The following NEGR1 variants were observed in gnomAD, a reference collection of about 807,000 sequenced individuals.
The protein encoded by NEGR1 is neuronal growth regulator 1.
NEGR1 carries 10 observed loss-of-function variants against 40.9 expected under a neutral mutation model. That is an observed-to-expected ratio of 0.24 (90% CI 0.15 to 0.42). The LOEUF is 0.42. Ranked by LOEUF, NEGR1 falls within the 10% of genes least tolerant of loss-of-function variation. The pLI, the probability that NEGR1 is intolerant of heterozygous loss-of-function variation, is 1.00. For missense variants in NEGR1, 352 were observed against 438.9 expected (o/e 0.80, Z 1.77); for synonymous variants, 185 against 166.8 (o/e 1.11, Z -0.84).
At chr1:71,751,187 C>A (rs550948383) in intron 3 of NEGR1, among the ~76,000 whole-genome samples, 1 of 151,322 alleles carries the variant, frequency 6.6e-6, no homozygotes, top group South Asian at 2.1e-4. Context: ...CAGTTTTTAT[C>A]TCCCCTTCAA....
intron 1 of NEGR1, among the ~76,000 whole-genome samples, chr1:72,116,340 G>A (rs748525749): frequency 2.6e-5 from 4 of 151,764 alleles, no homozygotes; most frequent in South Asian, 2.1e-4. Flanking sequence ...ACTATGATCT[G>A]TAAAGTAGCA....
chr1:71,834,137 C>T (rs1460468678), intron 2 of NEGR1, among the ~76,000 whole-genome samples: 1 of 152,042 alleles, frequency 6.6e-6, no homozygotes, highest in South Asian at 2.1e-4. Context: ...TACATTGATA[C>T]TGGTATTTGA....
At chr1:71,880,323 C>T (rs901739294) in intron 2 of NEGR1, among the ~76,000 whole-genome samples, 3 of 151,924 alleles carry the variant, frequency 2.0e-5, no homozygotes, top group African/African-American at 4.8e-5. Context: ...TCATAAAGTA[C>T]AATTTTACTA....
chr1:72,177,858 C>T (rs1652233460), intron 1 of NEGR1, among the ~76,000 whole-genome samples: 1 of 151,528 alleles, frequency 6.6e-6, no homozygotes, highest in African/African-American at 2.4e-5. Context: ...ACACCTCCAA[C>T]ACAGACAGCA....
chr1:72,214,065 G>A (rs1415151433), intron 1 of NEGR1, among the ~76,000 whole-genome samples: 3 of 152,004 alleles, frequency 2.0e-5, no homozygotes, highest in Admixed American at 1.3e-4. Flanking sequence ...TTCAACATAC[G>A]CAAATCAATA....
chr1:71,409,444 G>A (rs1646301715), intron 6 of NEGR1, among the ~76,000 whole-genome samples: 1 of 151,924 alleles, frequency 6.6e-6, no homozygotes, highest in Non-Finnish European at 1.5e-5. Context: ...TTTGTTATGA[G>A]AAATTAAGTA....
At chr1:71,550,470 T>C (rs1010664566) in intron 6 of NEGR1, among the ~76,000 whole-genome samples, 10 of 151,516 alleles carry the variant, frequency 6.6e-5, no homozygotes, top group African/African-American at 2.2e-4. Flanking sequence ...CTTACCCATT[T>C]TTTTTTTCCT....
At chr1:71,991,838 C>G (rs1646455528) in intron 1 of NEGR1, among the ~76,000 whole-genome samples, 1 of 152,202 alleles carries the variant, frequency 6.6e-6, no homozygotes, top group Non-Finnish European at 1.5e-5. Flanking sequence ...GTGGCCCAGG[C>G]TGGAGTGCAG....
At chr1:71,489,225 G>A (rs1214033574) in intron 6 of NEGR1, among the ~76,000 whole-genome samples, 1 of 151,768 alleles carries the variant, frequency 6.6e-6, no homozygotes, top group Non-Finnish European at 1.5e-5. Context: ...CGAATTGGGA[G>A]CTCTTTCATG....
chr1:72,158,128 G>T (rs1002873415), intron 1 of NEGR1, among the ~76,000 whole-genome samples: 4 of 152,202 alleles, frequency 2.6e-5, no homozygotes, highest in African/African-American at 9.7e-5. Context: ...GCATATGTGA[G>T]AAGCTCTACG....
intron 4 of NEGR1, among the ~76,000 whole-genome samples, chr1:71,693,745 A>G (rs1321970761): frequency 6.6e-6 from 1 of 151,548 alleles, no homozygotes. Flanking sequence ...TGGCACTCTT[A>G]ACTGGAAGAA....
intron 2 of NEGR1, among the ~76,000 whole-genome samples, chr1:71,907,622 A>G (rs1259066492): frequency 2.6e-5 from 4 of 152,274 alleles, no homozygotes; most frequent in Non-Finnish European, 4.4e-5. Context: ...AAACACAACT[A>G]CATTCCACCC....
intron 1 of NEGR1, among the ~76,000 whole-genome samples, chr1:71,978,593 G>T (rs1049479456): frequency 6.6e-6 from 1 of 152,012 alleles, no homozygotes; most frequent in African/African-American, 2.4e-5. Flanking sequence ...GTGGCATCAA[G>T]CATATGAAAA....
At chr1:72,244,801 A>G (rs534649066) in intron 1 of NEGR1, among the ~76,000 whole-genome samples, 2 of 152,124 alleles carry the variant, frequency 1.3e-5, no homozygotes, top group South Asian at 4.1e-4. Flanking sequence ...CGAATTGTTC[A>G]TTAACATTGA....
Position 71,402,985 on chromosome 1 carries a change from T to C in NEGR1, c.*4461A>G, listed in dbSNP as rs1219873180. ...TATTAGAACATTTCCAGTTTTTTTGTGGAGGGAGGGCTTTGGTGTATATAG... is the reference window on the plus strand; with the variant it reads ...TATTAGAACATTTCCAGTTTTTTTGCGGAGGGAGGGCTTTGGTGTATATAG... On this transcript the variant is annotated 3_prime_UTR_variant, in exon 7 of 7. Coordinates refer to ENST00000357731, the MANE Select transcript of NEGR1 (RefSeq NM_173808.3). 6.6e-6 allele frequency: 1 copy of C among 152,198 alleles called. No individual in the cohort carries two copies. The highest frequency in any genetic ancestry group is 2.4e-5 in the African/African-American group (1 of 41,560). The allele number at this position is 152,198 out of a possible 1,614,324, so 9.4% of individuals were successfully genotyped here. A position where few individuals can be genotyped will look rare whatever the true frequency, so the allele number is the denominator to read the frequency against.
chr1:71,737,072 CA>C (rs556598416), intron 3 of NEGR1, among the ~76,000 whole-genome samples: 1 of 152,040 alleles, frequency 6.6e-6, no homozygotes, highest in Non-Finnish European at 1.5e-5. Flanking sequence ...ATGTTTTAAG[CA>C]AAAAAGTTTT....
At chr1:71,917,111 C>T (rs1453077254) in intron 2 of NEGR1, among the ~76,000 whole-genome samples, 1 of 152,186 alleles carries the variant, frequency 6.6e-6, no homozygotes, top group Non-Finnish European at 1.5e-5. Context: ...CTTGGCACAG[C>T]AGCCTGTGCA....
At chr1:71,918,642 G>A (rs1170236721) in intron 2 of NEGR1, among the ~76,000 whole-genome samples, 1 of 151,558 alleles carries the variant, frequency 6.6e-6, no homozygotes, top group African/African-American at 2.4e-5. Flanking sequence ...TAGCTTTTTG[G>A]GTAAAATGCT....
chr1:71,613,181 G>A (rs181934593), intron 4 of NEGR1, among the ~76,000 whole-genome samples: 8 of 152,308 alleles, frequency 5.3e-5, no homozygotes, highest in Admixed American at 2.0e-4. Flanking sequence ...GGTGGTAGCA[G>A]TGCAAGTGGT....
Sources: gnomAD v4.1 joint callset for allele counts (sites outside exome capture counted in the v4.1 genomes callset) on GRCh38, gnomAD v4.1.1 for gene constraint, MANE v1.5 for transcripts, NCBI Gene and HGNC (gene_info 2026-07-23, HGNC 2026-07-21) for gene names.